The following CARMIL1 variants were observed in gnomAD, a reference collection of about 807,000 sequenced individuals.
CARMIL1 encodes F-actin-uncapping protein LRRC16A.
Under a neutral mutation model 177.1 loss-of-function variants are expected in CARMIL1, and 90 were observed. The observed-to-expected ratio is 0.51, with a 90% CI of 0.43 to 0.61. CARMIL1 has a LOEUF of 0.61. Among genes scored for constraint, CARMIL1 ranks in the 20% least tolerant of loss-of-function variants. The pLI is 0.00. For missense variants in CARMIL1, 1,380 were observed against 1,667.0 expected, an observed-to-expected ratio of 0.83 and a Z score of 3.00; for synonymous variants, 577 against 606.2, an observed-to-expected ratio of 0.95 and a Z score of 0.71.
intron 9 of CARMIL1, among the ~76,000 whole-genome samples, chr6:25,469,214 A>T (rs1270282804): frequency 6.6e-6 from 1 of 152,212 alleles, no homozygotes; most frequent in African/African-American, 2.4e-5. Context: ...AATGGAATCA[A>T]ACAGCAAATA....
chr6:25,411,721 A>G (rs1794918449), intron 2 of CARMIL1, among the ~76,000 whole-genome samples: 2 of 152,244 alleles, frequency 1.3e-5, no homozygotes, highest in South Asian at 4.1e-4. Flanking sequence ...ATGGATTTGC[A>G]CAGGTGTTAG....
At chr6:25,304,223 G>A (rs1353123273) in intron 2 of CARMIL1, among the ~76,000 whole-genome samples, 1 of 152,202 alleles carries the variant, frequency 6.6e-6, no homozygotes, top group Non-Finnish European at 1.5e-5. Flanking sequence ...GGCTTGAAAC[G>A]CAGAATAATC....
At chr6:25,486,818 A>G (rs987263834) in intron 12 of CARMIL1, among the ~76,000 whole-genome samples, 6 of 152,130 alleles carry the variant, frequency 3.9e-5, no homozygotes, top group African/African-American at 1.4e-4. Flanking sequence ...GGTATCTCAG[A>G]AGACCCTGCC....
chr6:25,612,685 A>G, intron 36 of CARMIL1: 2 of 841,226 alleles, frequency 2.4e-6, no homozygotes, highest in African/African-American at 3.7e-5. Context: ...ATGTCAACAC[A>G]TTGATGTATG....
At chr6:25,596,460 A>G (rs953167564) in intron 32 of CARMIL1, among the ~76,000 whole-genome samples, 2 of 151,924 alleles carry the variant, frequency 1.3e-5, no homozygotes, top group African/African-American at 4.8e-5. Context: ...TTTCCTTATT[A>G]TTTTCCCACT....
At chr6:25,425,917 A>G (rs1796241367) in intron 3 of CARMIL1, among the ~76,000 whole-genome samples, 1 of 152,190 alleles carries the variant, frequency 6.6e-6, no homozygotes, top group Non-Finnish European at 1.5e-5. Context: ...GTGCATTTTT[A>G]TGGAAGACAG....
Position 25,421,544 on chromosome 6 carries a change from A to C in CARMIL1, c.189+1380A>C, listed in dbSNP as rs1225621327. On this transcript the variant is annotated intron_variant, in intron 3 of 36. Transcript: ENST00000329474. ...ACTGGGTATATACCCAAAGGACTATAAATCATGCTGCTATAAAGACAAATG... is the reference window on the plus strand; with the variant it reads ...ACTGGGTATATACCCAAAGGACTATCAATCATGCTGCTATAAAGACAAATG... 2.0e-5 allele frequency among the ~76,000 whole-genome samples: 3 copies of C among 152,130 alleles called. 1 individual carries two copies. The highest frequency in any genetic ancestry group is 2.0e-4 in the Admixed American group (3 of 15,272).
intron 9 of CARMIL1, among the ~76,000 whole-genome samples, chr6:25,467,208 G>A (rs1266008945): frequency 6.6e-6 from 1 of 152,196 alleles, no homozygotes; most frequent in African/African-American, 2.4e-5. Flanking sequence ...GCATGAGTTG[G>A]ATCCAGGTGA....
At chr6:25,585,482 T>A (rs1813549887) in intron 31 of CARMIL1, among the ~76,000 whole-genome samples, 1 of 152,238 alleles carries the variant, frequency 6.6e-6, no homozygotes, top group Non-Finnish European at 1.5e-5. Context: ...GACCGATTTT[T>A]GTGCCAAAAA....
At position 25,510,721 on chromosome 6, in the gene CARMIL1, G is replaced by A. The variant is rs765394195; in HGVS notation, c.1591G>A (p.Val531Ile). ...NNMKSKNLTP[V>I]LDNLVQMIQD... ...AAATCTCTTTAGAAATCTGACACCT[G>A]TATTGGACAACTTAGTACAGATGAT... The change falls in exon 20 of 37, where the codon GTA (valine) becomes ATA (isoleucine). Residue 531 changes from valine (V) to isoleucine (I), a missense_variant. By Grantham distance (29) the Val-to-Ile change is conservative. Coordinates refer to ENST00000329474, the MANE Select transcript of CARMIL1 (RefSeq NM_017640.6). The A allele has an allele frequency of 2.4e-5, 37 of 1,548,788 alleles. No homozygotes were observed. The highest frequency in any genetic ancestry group is 1.7e-4 in the Middle Eastern group (1 of 5,996).
intron 23 of CARMIL1, 116 bp from the exon 24 acceptor site, chr6:25,528,679 A>G (rs1270929047): frequency 2.7e-6 from 2 of 747,082 alleles, no homozygotes; most frequent in African/African-American, 1.7e-5. Flanking sequence ...AAGCACTGGC[A>G]GGATGTGTAT....
At chr6:25,376,708 T>A (rs1791024371) in intron 2 of CARMIL1, among the ~76,000 whole-genome samples, 1 of 152,150 alleles carries the variant, frequency 6.6e-6, no homozygotes, top group Admixed American at 6.5e-5. Flanking sequence ...TTAATTAATT[T>A]TTTTCTGCAG....
chr6:25,426,935 AT>A (rs879416168), intron 4 of CARMIL1, among the ~76,000 whole-genome samples: 7 of 152,278 alleles, frequency 4.6e-5, no homozygotes, highest in African/African-American at 1.7e-4. Context: ...TAAAATGCTG[AT>A]TTAAAAAAAT....
At chr6:25,450,082 G>A (rs1798637468) in intron 6 of CARMIL1, 87 bp downstream of exon 6, 1 of 1,114,646 alleles carries the variant, frequency 9.0e-7, no homozygotes, top group Non-Finnish European at 1.3e-6. Flanking sequence ...GTGTGCTACT[G>A]TAAAGGTGCA....
At chr6:25,347,101 T>C (rs943999188) in intron 2 of CARMIL1, among the ~76,000 whole-genome samples, 2 of 152,252 alleles carry the variant, frequency 1.3e-5, no homozygotes, top group African/African-American at 4.8e-5. Context: ...GTTTAGACCG[T>C]ACATTATTGA....
chr6:25,301,239 G>GC (rs201476538), intron 2 of CARMIL1, among the ~76,000 whole-genome samples: 4,256 of 152,258 alleles, frequency 0.028, 73 homozygotes, highest in Non-Finnish European at 0.038. Context: ...AAGGCATGAG[G>GC]AATAAAAGCC....
At chr6:25,354,001 GC>G (rs1369194989) in intron 2 of CARMIL1, among the ~76,000 whole-genome samples, 3 of 152,190 alleles carry the variant, frequency 2.0e-5, no homozygotes, top group African/African-American at 7.2e-5. Context: ...TGGGGTAGAG[GC>G]CAGGGATTCT....
intron 26 of CARMIL1, among the ~76,000 whole-genome samples, chr6:25,549,456 C>T (rs1384873513): frequency 6.6e-6 from 1 of 152,174 alleles, no homozygotes; most frequent in African/African-American, 2.4e-5. Context: ...ACTTGCATCT[C>T]TTGCAGATGA....
At chr6:25,288,787 A>T (rs1011874782) in intron 2 of CARMIL1, among the ~76,000 whole-genome samples, 13 of 152,202 alleles carry the variant, frequency 8.5e-5, no homozygotes, top group African/African-American at 2.7e-4. Context: ...TATTAGCAGG[A>T]TAGAGGGCAA....
Sources: gnomAD v4.1 joint callset for allele counts (sites outside exome capture counted in the v4.1 genomes callset) on GRCh38, gnomAD v4.1.1 for gene constraint, MANE v1.5 for transcripts, NCBI Gene and HGNC (gene_info 2026-07-23, HGNC 2026-07-21) for gene names.